ENTPD2: variants seen among roughly 807,000 people sequenced by gnomAD.
ENTPD2 encodes the protein ectonucleoside triphosphate diphosphohydrolase 2.
A neutral mutation model predicts 46.8 loss-of-function variants in ENTPD2; 48 were observed. That is an observed-to-expected ratio of 1.03 (90% confidence interval 0.81 to 1.30). ENTPD2 has a LOEUF of 1.30. ENTPD2 is among the 50% of genes most tolerant of loss of function. The pLI, the probability that ENTPD2 is intolerant of heterozygous loss-of-function variation, is 0.00. For missense variants in ENTPD2, 707 were observed against 651.1 expected (o/e 1.09, Z -0.93); for synonymous variants, 316 against 286.1 (o/e 1.10, Z -1.06).
Position 137,053,963 on chromosome 9 carries a change from A to G in ENTPD2, c.35T>C (p.Leu12Pro). The G allele has an allele frequency of 1.6e-6, 2 of 1,222,142 alleles. No individual in the cohort carries two copies. The highest frequency in any genetic ancestry group is 1.6e-5 in the African/African-American group (1 of 63,798). The allele number at this position is 1,222,142 out of a possible 1,614,324, so 75.7% of individuals were successfully genotyped here. Reference sequence around the variant, plus strand: ...GGCGAGGCCCGCGGCGGCCAGCAGCAGCGGCGGCAGCAGTGACCGCACCTT... The same window carrying G: ...GGCGAGGCCCGCGGCGGCCAGCAGCGGCGGCGGCAGCAGTGACCGCACCTT... ...AGKVRSLLPP[L>P]LLAAAGLAGL... Residue 12 changes from leucine to proline, a missense_variant, in exon 1 of 9, where the codon CTG becomes CCG. Transcript: ENST00000355097.
At chr9:137,051,422 C>T (rs543401129) in intron 3 of ENTPD2, 52 bp from the exon 4 acceptor site, 1 of 1,539,434 alleles carries the variant, frequency 6.5e-7, no homozygotes, top group African/African-American at 1.4e-5. Context: ...GGCTGTGAGC[C>T]TGCTGTAGGG....
In ENTPD2 at chr9:137,048,808, T is replaced by G. The variant is rs761496670; in HGVS notation, c.1337A>C (p.Asn446Thr). 4 of 1,578,986 alleles carry G rather than the reference T, an allele frequency of 2.5e-6. No individual in the cohort carries two copies. Among genetic ancestry groups the G allele is most frequent in the Admixed American group, 3.5e-5 (2 of 57,782 alleles). The change falls in exon 9 of 9, where the codon AAC (asparagine) becomes ACC (threonine). Residue 446 changes from asparagine to threonine, a missense_variant. Asn to Thr is a moderately conservative substitution (Grantham distance 65, BLOSUM62 0). Transcript: ENST00000355097. ...WALGYMLNLT[N>T]LIPADPPGLR... ...CCCCGGCGGGTCGGCGGGGATCAGGTTGGTCAGGTTCAGCATGTAGCCGAG... is the reference window on the plus strand; with the variant it reads ...CCCCGGCGGGTCGGCGGGGATCAGGGTGGTCAGGTTCAGCATGTAGCCGAG...
At position 137,054,012 on chromosome 9, in the gene ENTPD2, G is replaced by A. The variant is rs1832354995; in HGVS notation, c.-15C>T. The A allele has an allele frequency of 1.5e-5, 18 of 1,207,222 alleles. No individual in the cohort carries two copies. The highest frequency in any genetic ancestry group is 1.3e-4 in the African/African-American group (8 of 63,374). 74.8% of individuals were successfully genotyped at this position (1,207,222 alleles called of 1,614,324 possible). A position where few individuals can be genotyped will look rare whatever the true frequency, so the allele number is the denominator to read the frequency against. On this transcript the variant is annotated 5_prime_UTR_variant, in exon 1 of 9. Coordinates refer to ENST00000355097, the MANE Select transcript of ENTPD2 (RefSeq NM_203468.3). ...TTCCCGGCCATGGGCGGGCGGGCGC[G>A]CGGGAGGACGATGCGTGGACCCGGA...
Position 137,048,941 on chromosome 9 carries a change from C to G in ENTPD2, c.1284G>C (p.Lys428Asn). 6.5e-7 allele frequency: 1 copy of G among 1,527,162 alleles called. No individual in the cohort carries two copies. The allele number at this position is 1,527,162 out of a possible 1,614,324, so 94.6% of individuals were successfully genotyped here. ...CCCGCCCCGCCCCGCCCCAGCCCAC[C>G]TTCTTCTGGAAGATCACGCCGCCGA... The part of the protein sequence containing the change: ...RAFGGVIFQK[K>N]AADTAVGWAL... The change falls in exon 8 of 9, where the codon AAG becomes AAC. Residue 428 changes from lysine (K) to asparagine (N), a missense_variant and splice_region_variant. Transcript: ENST00000355097.
rs929619860 is a variant in ENTPD2, at chr9:137,048,368, G to T, written c.*289C>A. 1.8e-5 allele frequency: 7 copies of T among 384,606 alleles called. 1 individual carries two copies. Among genetic ancestry groups the T allele is most frequent in the African/African-American group, 1.3e-4 (6 of 46,838 alleles). 23.8% of individuals were successfully genotyped at this position (384,606 alleles called of 1,614,324 possible). A position where few individuals can be genotyped will look rare whatever the true frequency, so the allele number is the denominator to read the frequency against. ...GATTGAGCGCTCTTTGCCCACCCAG[G>T]CTCCTGTGGGTACCAGAGTCTCAGT... On this transcript the variant is annotated 3_prime_UTR_variant, in exon 9 of 9. Transcript: ENST00000355097.
rs907619002 is a variant in ENTPD2 at position 137,054,057 on chromosome 9, CGGAG to C, written c.-64_-61del. On this transcript the variant is annotated 5_prime_UTR_variant, in exon 1 of 9. Transcript: ENST00000355097. ...CCCGGAGAGTGCGGGGAGCCGGAGG[CGGAG>C]GCGGGCGGGGCCGCGGGACCGCGGG... is the stretch of plus-strand genomic sequence containing the variant. 9 of 1,071,316 alleles carry C rather than the reference CGGAG, an allele frequency of 8.4e-6. No homozygotes were observed. The highest frequency in any genetic ancestry group is 1.0e-5 in the Non-Finnish European group (9 of 866,058). The allele number at this position is 1,071,316 out of a possible 1,614,324, so 66.4% of individuals were successfully genotyped here.
chr9:137,050,947 A>G lies in ENTPD2; in HGVS notation c.729T>C (p.Tyr243=). 2 of 1,612,652 alleles carry G rather than the reference A, an allele frequency of 1.2e-6. No individual in the cohort carries two copies. Among genetic ancestry groups the G allele is most frequent in the Non-Finnish European group, 1.7e-6 (2 of 1,179,998 alleles). Residue 243 remains tyrosine (Y), a synonymous_variant, in exon 5 of 9, where the codon TAT becomes TAC. Transcript: ENST00000355097. ...YRVYTHSFLC[Y]GRDQVLQRLL... ...GCCTCTGGAGGACCTGGTCACGGCC[A>G]TAGCAGAGGAAGCTGTGGGTGTAGA...
Position 137,048,589 on chromosome 9 carries a change from AGGGGTGGGAGTAC to A in ENTPD2, c.*55_*67del. The A allele has an allele frequency of 9.2e-7, 1 of 1,088,882 alleles. No homozygotes were observed. The highest frequency in any genetic ancestry group is 1.1e-6 in the Non-Finnish European group (1 of 873,504). The allele number at this position is 1,088,882 out of a possible 1,614,324, so 67.5% of individuals were successfully genotyped here. ...GGGTGGGAGGTACAGGGGTTGTGGG[AGGGGTGGGAGTAC>A]GGGGTGGGGATACAGGGGTTGGGGG... On this transcript the variant is annotated 3_prime_UTR_variant, in exon 9 of 9. Coordinates refer to ENST00000355097, the MANE Select transcript of ENTPD2 (RefSeq NM_203468.3).
In ENTPD2 at chr9:137,049,956, A is replaced by C. The variant is rs780010974; in HGVS notation, c.1063T>G (p.Leu355Val). The change falls in exon 7 of 9, where the codon TTG becomes GTG. Residue 355 changes from leucine to valine, a missense_variant. Coordinates refer to ENST00000355097, the MANE Select transcript of ENTPD2 (RefSeq NM_203468.3). ...FSAFFYTVDF[L>V]RTSMGLPVAT... is the part of the protein sequence containing the mutation. ...ACGGGCAGCCCCATCGAAGTCCGCA[A>C]AAAGTCCACAGTGTAGAAGAAGGCA... 1.9e-6 allele frequency: 3 copies of C among 1,612,540 alleles called. No individual in the cohort carries two copies. In the East Asian group the frequency reaches 6.7e-5, roughly 36 times the overall value.
In ENTPD2 at chr9:137,051,132, G is replaced by A. The variant is rs767060838; in HGVS notation, c.547-3C>T. 1.2e-6 allele frequency: 2 copies of A among 1,612,654 alleles called. No homozygotes were observed. Among genetic ancestry groups the A allele is most frequent in the Non-Finnish European group, 1.7e-6 (2 of 1,179,952 alleles). On this transcript the variant is annotated splice_region_variant and splice_polypyrimidine_tract_variant and intron_variant, in intron 4 of 8. Coordinates refer to ENST00000355097, the MANE Select transcript of ENTPD2 (RefSeq NM_203468.3). ...AACCACCGGCCCACCCAGCCGTACTGTGGAGAGGGGAGTGTGGGGTCAACC... is the reference window on the plus strand; with the variant it reads ...AACCACCGGCCCACCCAGCCGTACTATGGAGAGGGGAGTGTGGGGTCAACC...
chr9:137,049,928 G>T lies in ENTPD2; in HGVS notation c.1091C>A (p.Ala364Asp). 1 of 1,612,542 alleles carries T rather than the reference G, an allele frequency of 6.2e-7. No individual in the cohort carries two copies. The highest frequency in any genetic ancestry group is 8.5e-7 in the Non-Finnish European group (1 of 1,179,798). Residue 364 changes from alanine to aspartate, a missense_variant, in exon 7 of 9, where the codon GCC becomes GAC. Coordinates refer to ENST00000355097, the MANE Select transcript of ENTPD2 (RefSeq NM_203468.3). Reference protein sequence around the residue: ...FLRTSMGLPVATLQQLEAAAV... With the variant: ...FLRTSMGLPVDTLQQLEAAAV... The stretch of plus-strand genomic sequence containing the variant: ...GGCTGCCTCCAGCTGCTGCAGGGTG[G>T]CCACGGGCAGCCCCATCGAAGTCCG...
chr9:137,048,676 T>C lies in ENTPD2; in HGVS notation c.1469A>G (p.Lys490Arg). 1 of 1,599,600 alleles carries C rather than the reference T, an allele frequency of 6.3e-7. No homozygotes were observed. The highest frequency in any genetic ancestry group is 8.5e-7 in the Non-Finnish European group (1 of 1,174,348). Reference protein sequence around the residue: ...VLLLRQVHSAKLPSTI With the variant: ...VLLLRQVHSARLPSTI ...CGGCCCCTAAATGGTGCTTGGCAGC[T>C]TGGCGGAGTGCACCTGACGCAGCAG... is the stretch of plus-strand genomic sequence containing the variant. The change falls in exon 9 of 9, where the codon AAG becomes AGG. Residue 490 changes from lysine to arginine, a missense_variant. By Grantham distance (26) the Lys-to-Arg change is conservative. Transcript: ENST00000355097.
At position 137,051,167 on chromosome 9, in the gene ENTPD2, G is replaced by C. The variant is rs528726375; in HGVS notation, c.547-38C>G. ...GAGTGTGGGGTCAACCAGGGGCCGA[G>C]GGCGCCCACGCCCCCTGGCTCTTTG... On this transcript the variant is annotated intron_variant, in intron 4 of 8. Coordinates refer to ENST00000355097, the MANE Select transcript of ENTPD2 (RefSeq NM_203468.3). 40 of 1,611,832 alleles carry C rather than the reference G, an allele frequency of 2.5e-5. No homozygotes were observed. In the African/African-American group the frequency reaches 4.9e-4, roughly 20 times the overall value.
In ENTPD2 at chr9:137,049,000, G is replaced by A. The variant is rs1299558364; in HGVS notation, c.1225C>T (p.Leu409=). 6.5e-7 allele frequency: 1 copy of A among 1,537,386 alleles called. No homozygotes were observed. The highest frequency in any genetic ancestry group is 8.7e-7 in the Non-Finnish European group (1 of 1,145,222). ...CAGAMFVQQL[L]SRGYGFDERA... is the part of the protein sequence containing the mutation. ...TCGTCGAAGCCGTAGCCGCGACTCA[G>A]CAGCTGCTGCACGAACATGGCCCCG... Residue 409 remains leucine (L), a synonymous_variant, in exon 8 of 9, where the codon CTG becomes TTG. Transcript: ENST00000355097.
chr9:137,049,114 C>G, intron 7 of ENTPD2, 39 bp from the exon 8 acceptor site: 1 of 1,531,624 alleles, frequency 6.5e-7, no homozygotes, highest in Non-Finnish European at 8.7e-7. Flanking sequence ...AGGCGACCAC[C>G]AGGAGGTCTC....
At position 137,051,664 on chromosome 9, in the gene ENTPD2, G is replaced by C; in HGVS notation, c.236-4C>G. ...GCATAGCTGGAGATGCCCCCACCTA[G>C]AGGGAGGCAGAGAGATGAGCCTATG... is the stretch of plus-strand genomic sequence containing the variant. On this transcript the variant is annotated splice_polypyrimidine_tract_variant and splice_region_variant and intron_variant, in intron 2 of 8. Coordinates refer to ENST00000355097, the MANE Select transcript of ENTPD2 (RefSeq NM_203468.3). The C allele has an allele frequency of 1.9e-6, 3 of 1,606,130 alleles. No individual in the cohort carries two copies. Among genetic ancestry groups the C allele is most frequent in the South Asian group, 1.1e-5 (1 of 90,296 alleles).
At position 137,051,023 on chromosome 9, in the gene ENTPD2, T is replaced by C; in HGVS notation, c.653A>G (p.Glu218Gly). ...QITFETTSPAEDRASEVQLHL... is the reference protein window; with the variant it reads ...QITFETTSPAGDRASEVQLHL... Reference sequence around the variant, plus strand: ...CAGCTGGACCTCGCTGGCTCTGTCCTCAGCTGGACTGGTTGTCTCAAAAGT... The same window carrying C: ...CAGCTGGACCTCGCTGGCTCTGTCCCCAGCTGGACTGGTTGTCTCAAAAGT... Residue 218 changes from glutamate (E) to glycine (G), a missense_variant, in exon 5 of 9, where the codon GAG becomes GGG. Coordinates refer to ENST00000355097, the MANE Select transcript of ENTPD2 (RefSeq NM_203468.3). The C allele has an allele frequency of 6.2e-7, 1 of 1,612,956 alleles. No individual in the cohort carries two copies. The highest frequency in any genetic ancestry group is 1.3e-5 in the African/African-American group (1 of 75,020).
In ENTPD2 at chr9:137,051,393, A is replaced by G. The variant is rs577721988; in HGVS notation, c.387-23T>C. On this transcript the variant is annotated intron_variant, in intron 3 of 8. Coordinates refer to ENST00000355097, the MANE Select transcript of ENTPD2 (RefSeq NM_203468.3). The stretch of plus-strand genomic sequence containing the variant: ...AGGCTGCAAAACACAGAGAACTCCA[A>G]GAGGCCTTCTCCCCAGGTGGCTGTG... The G allele has an allele frequency of 1.3e-4, 200 of 1,541,060 alleles. 1 individual carries two copies. The highest frequency in any genetic ancestry group is 8.0e-4 in the South Asian group (64 of 79,516).
At position 137,048,622 on chromosome 9, in the gene ENTPD2, TG is replaced by T; in HGVS notation, c.*34del. On this transcript the variant is annotated 3_prime_UTR_variant, in exon 9 of 9. Coordinates refer to ENST00000355097, the MANE Select transcript of ENTPD2 (RefSeq NM_203468.3). The stretch of plus-strand genomic sequence containing the variant: ...GAGTACGGGGTGGGGATACAGGGGT[TG>T]GGGGAGGGATGGGGCAGCTGCCCCC... 9.1e-7 allele frequency: 1 copy of T among 1,097,988 alleles called. No individual in the cohort carries two copies. 68.0% of individuals were successfully genotyped at this position (1,097,988 alleles called of 1,614,324 possible).
Sources: allele counts gnomAD v4.1 joint callset, GRCh38; gene constraint gnomAD v4.1.1; transcripts MANE v1.5; gene names NCBI Gene and HGNC (gene_info 2026-07-23, HGNC 2026-07-21).